NAV2: variants seen among roughly 807,000 people sequenced by gnomAD.
NAV2 encodes the protein helicase, APC down-regulated 1.
A neutral mutation model predicts 223.2 loss-of-function variants in NAV2; 54 were observed. The observed-to-expected ratio is 0.24, with a 90% CI of 0.19 to 0.30. NAV2 has a LOEUF of 0.30. NAV2 is among the 10% of genes least tolerant of loss of function. The pLI is 1.00. For synonymous variants in NAV2, 1,279 were observed against 1,239.3 expected, an observed-to-expected ratio of 1.03 and a Z score of -0.67; for missense variants, 2,806 against 3,147.5, an observed-to-expected ratio of 0.89 and a Z score of 2.60.
rs557053126 is a variant in NAV2 at position 19,593,858 on chromosome 11, A to G, written c.76-238626A>G. ...ATATTCTTTTCAGTAAACTGTCTCT[A>G]CATGTCATTTACCCATCTTCTGGTT... On this transcript the variant is annotated intron_variant, in intron 1 of 37. Coordinates refer to the NAV2 transcript ENST00000360655. Among the ~76,000 whole-genome samples, 4 of 152,232 alleles carry G rather than the reference A, an allele frequency of 2.6e-5. No homozygotes were observed. The South Asian group carries it at 8.3e-4, about 32-fold the overall frequency.
At chr11:19,944,342 G>A (rs551910482) in intron 8 of NAV2, among the ~76,000 whole-genome samples, 4 of 152,328 alleles carry the variant, frequency 2.6e-5, no homozygotes, top group African/African-American at 7.2e-5. Context: ...GTGTCTTGTG[G>A]AAAGTTTTGC....
chr11:19,530,051 C>A (rs1296131643), intron 1 of NAV2, among the ~76,000 whole-genome samples: 1 of 152,150 alleles, frequency 6.6e-6, no homozygotes, highest in Non-Finnish European at 1.5e-5. Context: ...ACAAAGCACA[C>A]TGGTGGCAGC....
chr11:19,646,387 C>G (rs566737094), intron 1 of NAV2, among the ~76,000 whole-genome samples: 1 of 152,324 alleles, frequency 6.6e-6, no homozygotes, highest in South Asian at 2.1e-4. Flanking sequence ...TTCTTAACTG[C>G]ACATCAGGCC....
At chr11:20,118,047 G>A in intron 37 of NAV2, 86 bp from the exon 38 acceptor site, 1 of 1,507,586 alleles carries the variant, frequency 6.6e-7, no homozygotes, top group East Asian at 2.3e-5. Context: ...AGGTGAGTCT[G>A]GAGGAGGTGG....
intron 1 of NAV2, among the ~76,000 whole-genome samples, chr11:19,446,520 T>C (rs1851588172): frequency 6.6e-6 from 1 of 152,110 alleles, no homozygotes; most frequent in Non-Finnish European, 1.5e-5. Context: ...CTCCAGAGAA[T>C]GGAGTTTTTG....
intron 1 of NAV2, among the ~76,000 whole-genome samples, chr11:19,705,782 G>A: frequency 6.6e-6 from 1 of 152,084 alleles, no homozygotes; most frequent in South Asian, 2.1e-4. Context: ...AAAATAAACG[G>A]GTTTTACTTT....
At chr11:19,451,242 G>T (rs1590226590) in intron 1 of NAV2, among the ~76,000 whole-genome samples, 2 of 152,118 alleles carry the variant, frequency 1.3e-5, no homozygotes, top group Non-Finnish European at 2.9e-5. Context: ...GCTGCCTATT[G>T]TCTCCACCTC....
chr11:20,012,310 A>G (rs927138727), intron 11 of NAV2, among the ~76,000 whole-genome samples: 10 of 152,214 alleles, frequency 6.6e-5, no homozygotes, highest in Non-Finnish European at 1.2e-4. Context: ...GGTTTTTGCC[A>G]TTACTCTTAA....
At chr11:19,454,288 G>T (rs549617779) in intron 1 of NAV2, among the ~76,000 whole-genome samples, 2 of 152,262 alleles carry the variant, frequency 1.3e-5, no homozygotes, top group African/African-American at 2.4e-5. Flanking sequence ...AAAGCAGTCC[G>T]CCTGACCTCA....
chr11:19,395,024 G>A (rs1173896996), intron 1 of NAV2, among the ~76,000 whole-genome samples: 1 of 152,230 alleles, frequency 6.6e-6, no homozygotes, highest in Non-Finnish European at 1.5e-5. Context: ...TGTGAAATGG[G>A]AACATTAGCA....
At chr11:19,628,239 A>G (rs1284878929) in intron 1 of NAV2, among the ~76,000 whole-genome samples, 1 of 152,164 alleles carries the variant, frequency 6.6e-6, no homozygotes, top group Admixed American at 6.5e-5. Flanking sequence ...GCCAGTGGAC[A>G]TTATGTTCCT....
In NAV2 at chr11:19,439,596, C is replaced by T. The variant is rs529068194; in HGVS notation, c.75+88569C>T. Among the ~76,000 whole-genome samples the T allele has an allele frequency of 2.6e-5, 4 of 152,306 alleles. No homozygotes were observed. The South Asian group carries it at 6.2e-4, about 24-fold the overall frequency. On this transcript the variant is annotated intron_variant, in intron 1 of 37. Coordinates refer to the NAV2 transcript ENST00000360655. ...GGTTGCGAGCTGTGGATGGGATAAC[C>T]TATGTAATAGGCCCAACATGATACC...
chr11:19,688,481 C>T (rs1002221869), intron 1 of NAV2, among the ~76,000 whole-genome samples: 1 of 152,160 alleles, frequency 6.6e-6, no homozygotes, highest in African/African-American at 2.4e-5. Flanking sequence ...TCTTTCCGGG[C>T]ATCAAGTTTA....
intron 1 of NAV2, among the ~76,000 whole-genome samples, chr11:19,829,706 C>T (rs918239119): frequency 6.6e-6 from 1 of 152,150 alleles, no homozygotes; most frequent in African/African-American, 2.4e-5. Context: ...CCAGAGCACG[C>T]CTCTTTATTA....
chr11:19,428,921 T>C (rs1850939513), intron 1 of NAV2, among the ~76,000 whole-genome samples: 1 of 152,224 alleles, frequency 6.6e-6, no homozygotes, highest in Admixed American at 6.5e-5. Context: ...ATAATGTACT[T>C]GGAGGCAAAG....
At chr11:19,548,840 A>G (rs573392986) in intron 1 of NAV2, among the ~76,000 whole-genome samples, 199 of 147,566 alleles carry the variant, frequency 1.3e-3, no homozygotes, top group African/African-American at 4.9e-3. Flanking sequence ...ATCATGCCAC[A>G]GCACTCCAGC....
intron 1 of NAV2, among the ~76,000 whole-genome samples, chr11:19,603,631 C>CAAAAAAAAAAAAAAAAAAAA (rs1222524445): frequency 3.5e-5 from 2 of 57,702 alleles, no homozygotes; most frequent in Non-Finnish European, 4.3e-5. Context: ...GACTCCATCT[C>CAAAAAAAAAAAAAAAAAAAA]AAAAAAAAAA....
At chr11:19,505,011 G>C (rs184466100) in intron 1 of NAV2, 1 of 152,302 alleles carries the variant, frequency 6.6e-6, no homozygotes, top group Non-Finnish European at 1.5e-5. Flanking sequence ...ACCCAGGCCT[G>C]TTGGAGTCCA....
At position 19,447,622 on chromosome 11, in the gene NAV2, C is replaced by T. The variant is rs114289529; in HGVS notation, c.75+96595C>T. Reference sequence around the variant, plus strand: ...TTGTTATTACCCTGAATTCTTACAACACTATGACATAGGTGGGGTAAATAT... The same window carrying T: ...TTGTTATTACCCTGAATTCTTACAATACTATGACATAGGTGGGGTAAATAT... On this transcript the variant is annotated intron_variant, in intron 1 of 37. Coordinates refer to the NAV2 transcript ENST00000360655. Among the ~76,000 whole-genome samples the T allele has an allele frequency of 7.0e-3, 1,060 of 152,334 alleles. 10 individuals carry two copies. Among genetic ancestry groups the T allele is most frequent in the African/African-American group, 0.022 (932 of 41,576 alleles).
Sources: allele counts gnomAD v4.1 joint callset (sites outside exome capture counted in the v4.1 genomes callset), GRCh38; gene constraint gnomAD v4.1.1; transcripts MANE v1.5; gene names NCBI Gene and HGNC (gene_info 2026-07-23, HGNC 2026-07-21).